CNTN5: variants seen among roughly 807,000 people sequenced by gnomAD.
CNTN5 encodes the protein contactin-5.
A neutral mutation model predicts 129.1 loss-of-function variants in CNTN5; 77 were observed. That is an observed-to-expected ratio of 0.60 (90% CI 0.50 to 0.72). The LOEUF (loss-of-function observed/expected upper bound fraction) is 0.72. Among genes scored for constraint, CNTN5 ranks in the 30% least tolerant of loss-of-function variants. The probability of loss-of-function intolerance (pLI) is 0.00; values close to 1 mark genes in which losing one functional copy is unlikely to be tolerated. For missense variants in CNTN5, 1,478 were observed against 1,328.8 expected (o/e 1.11, Z -1.75); for synonymous variants, 509 against 465.6 (o/e 1.09, Z -1.20).
chr11:100,220,090 A>G (rs1483820270), intron 15 of CNTN5, among the ~76,000 whole-genome samples: 1 of 151,884 alleles, frequency 6.6e-6, no homozygotes, highest in Non-Finnish European at 1.5e-5. Context: ...ATCCTGGCTA[A>G]CACAGTGAAT....
intron 3 of CNTN5, among the ~76,000 whole-genome samples, chr11:99,602,087 A>G (rs1950329277): frequency 1.3e-5 from 2 of 152,126 alleles, no homozygotes; most frequent in African/African-American, 4.8e-5. Flanking sequence ...CAAATTCATC[A>G]GATAAAGTAC....
chr11:100,066,489 C>T (rs565588774), intron 10 of CNTN5, among the ~76,000 whole-genome samples: 58 of 152,154 alleles, frequency 3.8e-4, no homozygotes, highest in African/African-American at 1.4e-3. Context: ...CAAGAGTTTT[C>T]TTTATGCACA....
At chr11:100,337,034 A>T (rs1427991058) in intron 21 of CNTN5, 1 of 929,294 alleles carries the variant, frequency 1.1e-6, no homozygotes, top group Non-Finnish European at 1.8e-6. Flanking sequence ...ACTTTGATTG[A>T]TGAAGTGTTC....
At chr11:100,059,537 C>T (rs997003807) in intron 9 of CNTN5, among the ~76,000 whole-genome samples, 10 of 149,076 alleles carry the variant, frequency 6.7e-5, no homozygotes, top group African/African-American at 2.5e-5. Context: ...ATAAAAAAAA[C>T]ATAAGCAAAC....
chr11:99,539,613 G>C (rs1156445877), intron 2 of CNTN5, among the ~76,000 whole-genome samples: 1 of 151,938 alleles, frequency 6.6e-6, no homozygotes, highest in Non-Finnish European at 1.5e-5. Context: ...TTTCACATGA[G>C]GAAGCGGAGT....
At chr11:100,239,608 C>A (rs1949694077) in intron 16 of CNTN5, among the ~76,000 whole-genome samples, 1 of 152,068 alleles carries the variant, frequency 6.6e-6, no homozygotes, top group Non-Finnish European at 1.5e-5. Flanking sequence ...TTTCAAAACA[C>A]CACCAATGAC....
Position 100,356,399 on chromosome 11 carries a change from T to G in CNTN5, c.*179T>G. 1.7e-6 allele frequency: 1 copy of G among 592,494 alleles called. No homozygotes were observed. The highest frequency in any genetic ancestry group is 3.0e-6 in the Non-Finnish European group (1 of 332,142). The allele number at this position is 592,494 out of a possible 1,614,324, so 36.7% of individuals were successfully genotyped here. A position where few individuals can be genotyped will look rare whatever the true frequency, so the allele number is the denominator to read the frequency against. ...TATTACTTATCCATCAGGTTTCTCT[T>G]TGGTTTTTGTAAACGGAGAGGACAG... On this transcript the variant is annotated 3_prime_UTR_variant, in exon 25 of 25. Coordinates refer to ENST00000524871, the MANE Select transcript of CNTN5 (RefSeq NM_014361.4).
chr11:99,505,108 T>C (rs1014670319), intron 2 of CNTN5, among the ~76,000 whole-genome samples: 1 of 152,214 alleles, frequency 6.6e-6, no homozygotes, highest in Non-Finnish European at 1.5e-5. Flanking sequence ...GTATGTTTTC[T>C]TTCTTCTCTC....
chr11:100,319,647 G>A (rs1391121677), intron 21 of CNTN5, among the ~76,000 whole-genome samples: 4 of 152,070 alleles, frequency 2.6e-5, no homozygotes, highest in African/African-American at 7.2e-5. Context: ...TCACAATGTT[G>A]AGCTTATTGA....
chr11:99,381,556 A>G (rs1442930410), intron 2 of CNTN5, among the ~76,000 whole-genome samples: 2 of 152,242 alleles, frequency 1.3e-5, no homozygotes, highest in Non-Finnish European at 2.9e-5. Flanking sequence ...GAAGAACTTC[A>G]TAATTTTCAA....
chr11:100,186,704 C>G (rs933470385), intron 13 of CNTN5, among the ~76,000 whole-genome samples: 2 of 152,142 alleles, frequency 1.3e-5, no homozygotes, highest in African/African-American at 4.8e-5. Context: ...CACCTCACTG[C>G]TCCCTTCACT....
At chr11:99,759,191 A>G (rs1165252396) in intron 3 of CNTN5, among the ~76,000 whole-genome samples, 1 of 152,202 alleles carries the variant, frequency 6.6e-6, no homozygotes, top group African/African-American at 2.4e-5. Flanking sequence ...ATAAATGGCC[A>G]TGTCTGTATT....
At chr11:99,992,287 A>G (rs1939160242) in intron 8 of CNTN5, among the ~76,000 whole-genome samples, 1 of 152,236 alleles carries the variant, frequency 6.6e-6, no homozygotes, top group Admixed American at 6.5e-5. Flanking sequence ...TTGGCCTATC[A>G]GAACAAGACC....
chr11:100,271,264 T>C (rs1950403527), intron 18 of CNTN5, 23 bp downstream of exon 18: 5 of 1,574,112 alleles, frequency 3.2e-6, no homozygotes, highest in African/African-American at 1.4e-5. Flanking sequence ...AAGAGTCAGA[T>C]TGGATTTGGT....
chr11:100,187,661 C>A (rs552377431), intron 13 of CNTN5, among the ~76,000 whole-genome samples: 1 of 152,146 alleles, frequency 6.6e-6, no homozygotes, highest in South Asian at 2.1e-4. Flanking sequence ...GTCATCTTAC[C>A]AAAGTTGACA....
intron 2 of CNTN5, among the ~76,000 whole-genome samples, chr11:99,363,731 G>A (rs72985740): frequency 0.037 from 5,597 of 152,068 alleles, 114 homozygotes; most frequent in African/African-American, 0.051. Context: ...CAGTAGGGTA[G>A]GAAAACAGGA....
intron 2 of CNTN5, among the ~76,000 whole-genome samples, chr11:99,429,853 A>G (rs1943291107): frequency 6.6e-6 from 1 of 152,076 alleles, no homozygotes; most frequent in Non-Finnish European, 1.5e-5. Flanking sequence ...CCGCCCCCAT[A>G]GTAACAACTA....
At chr11:99,035,867 G>T (rs1307920680) in intron 1 of CNTN5, among the ~76,000 whole-genome samples, 1 of 151,454 alleles carries the variant, frequency 6.6e-6, no homozygotes. Context: ...TCCTAGTCTC[G>T]ATGGTCTTTA....
intron 2 of CNTN5, among the ~76,000 whole-genome samples, chr11:99,409,445 G>A (rs1258808881): frequency 1.3e-5 from 2 of 152,142 alleles, no homozygotes; most frequent in East Asian, 3.8e-4. Flanking sequence ...TCCAGCCTGG[G>A]CGACAACAGA....
Sources: gnomAD v4.1 joint callset for allele counts (sites outside exome capture counted in the v4.1 genomes callset) on GRCh38, gnomAD v4.1.1 for gene constraint, MANE v1.5 for transcripts, NCBI Gene and HGNC (gene_info 2026-07-23, HGNC 2026-07-21) for gene names.